VPS13B: variants seen among roughly 807,000 people sequenced by gnomAD.
The protein encoded by VPS13B is vacuolar protein sorting 13 homolog B, also known as intermembrane lipid transfer protein VPS13B.
VPS13B carries 285 observed loss-of-function variants against 426.4 expected under a neutral mutation model. The ratio of observed to expected loss-of-function variants is 0.67; its 90% CI spans 0.61 to 0.74. VPS13B has a LOEUF of 0.74. VPS13B is among the 30% of genes least tolerant of loss of function. The pLI, the probability that VPS13B is intolerant of heterozygous loss-of-function variation, is 0.00. For synonymous variants in VPS13B, 1,676 were observed against 1,676.4 expected, an observed-to-expected ratio of 1.00 and a Z score of 0.01; for missense variants, 4,537 against 4,782.6, an observed-to-expected ratio of 0.95 and a Z score of 1.51.
chr8:99,444,007 CT>C lies in VPS13B; in HGVS notation c.3445+1383del, dbSNP rs201151186. 5.5e-4 allele frequency among the ~76,000 whole-genome samples: 81 copies of C among 146,940 alleles called. 1 individual carries two copies. Among genetic ancestry groups the C allele is most frequent in the East Asian group, 2.2e-3 (11 of 5,078 alleles). On this transcript the variant is annotated intron_variant, in intron 23 of 61. Transcript: ENST00000357162. ...TATCCGCTTTGTTTCTTTTTCTTTT[CT>C]TTTTTTTTTTATTTTGTTCTAGCCA...
At chr8:99,824,028 T>A (rs775001690) in intron 51 of VPS13B, 50 bp downstream of exon 51, 12 of 1,592,732 alleles carry the variant, frequency 7.5e-6, no homozygotes, top group Non-Finnish European at 1.0e-5. Context: ...AAAGAAACAA[T>A]AAATAGGATC....
chr8:99,064,670 T>C (rs927202305), intron 3 of VPS13B, among the ~76,000 whole-genome samples: 11 of 152,170 alleles, frequency 7.2e-5, no homozygotes, highest in Non-Finnish European at 1.6e-4. Flanking sequence ...TGGAACCAAG[T>C]TGGAAAACAC....
chr8:99,157,673 CTACTT>C (rs1252902710), intron 15 of VPS13B, among the ~76,000 whole-genome samples: 2 of 152,174 alleles, frequency 1.3e-5, no homozygotes, highest in Non-Finnish European at 2.9e-5. Flanking sequence ...TCCCATAACT[CTACTT>C]TAAATCAAAA....
At position 99,720,452 on chromosome 8, in the gene VPS13B, G is replaced by C. The variant is rs544426092; in HGVS notation, c.6765G>C (p.Val2255=). The change falls in exon 38 of 62, where the codon GTG becomes GTC. Residue 2255 remains valine, a synonymous_variant. Coordinates refer to ENST00000357162, the MANE Select transcript of VPS13B (RefSeq NM_152564.5). The part of the protein sequence containing the change: ...GNFEVQVSEP[V]PQMSSPVEKN... ...TTGAAGTACAAGTTTCTGAACCAGTGCCTCAAATGTCATCTCCTGTGGAAA... is the reference window on the plus strand; with the variant it reads ...TTGAAGTACAAGTTTCTGAACCAGTCCCTCAAATGTCATCTCCTGTGGAAA... 1 of 1,613,972 alleles carries C rather than the reference G, an allele frequency of 6.2e-7. No homozygotes were observed. The highest frequency in any genetic ancestry group is 2.2e-5 in the East Asian group (1 of 44,862).
intron 19 of VPS13B, among the ~76,000 whole-genome samples, chr8:99,349,246 T>A (rs1811724194): frequency 7.5e-6 from 1 of 132,456 alleles, no homozygotes; most frequent in Non-Finnish European, 1.5e-5. Context: ...GGCAGGAGAA[T>A]GGCGTGTACC....
rs1304909517 is a variant in VPS13B, at chr8:99,102,871, C to T, written c.413-82C>T. On this transcript the variant is annotated intron_variant, in intron 4 of 61. Transcript: ENST00000357162. ...CTAAATAATAACCACCTTTCTCATA[C>T]ATTAAGTTCAATAACACTTTAAGAA... is the stretch of plus-strand genomic sequence containing the variant. 93 of 1,311,454 alleles carry T rather than the reference C, an allele frequency of 7.1e-5. No homozygotes were observed. In the East Asian group the frequency reaches 2.2e-3, roughly 30 times the overall value. 81.2% of individuals were successfully genotyped at this position (1,311,454 alleles called of 1,614,324 possible). A position where few individuals can be genotyped will look rare whatever the true frequency, so the allele number is the denominator to read the frequency against.
rs1162329112 is a variant in VPS13B at position 99,156,750 on chromosome 8, A to G, written c.2208+7A>G. 2 of 1,613,882 alleles carry G rather than the reference A, an allele frequency of 1.2e-6. No homozygotes were observed. Among genetic ancestry groups the G allele is most frequent in the Admixed American group, 1.7e-5 (1 of 60,004 alleles). The stretch of plus-strand genomic sequence containing the variant: ...TGTACACTGCTATCTTAAGGTATGA[A>G]AAGTGAATTTTCTTGTTTGTTAGCA... On this transcript the variant is annotated splice_region_variant and intron_variant, in intron 15 of 61. Transcript: ENST00000357162.
At chr8:99,161,707 TCCC>T (rs1563575714) in intron 15 of VPS13B, among the ~76,000 whole-genome samples, 1 of 149,710 alleles carries the variant, frequency 6.7e-6, no homozygotes, top group Non-Finnish European at 1.5e-5. Flanking sequence ...GGAAAACCAT[TCCC>T]TGGTGTTAAG....
intron 22 of VPS13B, among the ~76,000 whole-genome samples, chr8:99,440,825 C>A (rs796067555): frequency 2.0e-5 from 3 of 152,052 alleles, no homozygotes; most frequent in African/African-American, 7.2e-5. Context: ...CTAATTACCT[C>A]ACAATATTGA....
chr8:99,243,586 T>C (rs1817047870), intron 17 of VPS13B, among the ~76,000 whole-genome samples: 1 of 152,188 alleles, frequency 6.6e-6, no homozygotes, highest in African/African-American at 2.4e-5. Flanking sequence ...GCTTCACTGA[T>C]GTCTTACATT....
chr8:99,680,005 G>A (rs901293338), intron 35 of VPS13B, among the ~76,000 whole-genome samples: 1 of 152,082 alleles, frequency 6.6e-6, no homozygotes, highest in African/African-American at 2.4e-5. Context: ...CATCATTTCT[G>A]TGTCTGTACA....
At chr8:99,665,679 G>A (rs969575846) in intron 35 of VPS13B, among the ~76,000 whole-genome samples, 1 of 151,984 alleles carries the variant, frequency 6.6e-6, no homozygotes, top group Admixed American at 6.6e-5. Context: ...TTGGTCTATA[G>A]CTCTGTTTTG....
chr8:99,455,030 T>A (rs1043014489), intron 23 of VPS13B, among the ~76,000 whole-genome samples: 1 of 152,212 alleles, frequency 6.6e-6, no homozygotes, highest in Non-Finnish European at 1.5e-5. Context: ...ATCAGATGTT[T>A]TGTCAGATAT....
At chr8:99,552,653 A>G (rs535925284) in intron 30 of VPS13B, among the ~76,000 whole-genome samples, 1 of 151,760 alleles carries the variant, frequency 6.6e-6, no homozygotes, top group South Asian at 2.1e-4. Context: ...CCATTTCTAC[A>G]TGAGCATAAG....
chr8:99,606,012 C>T (rs1827553715), intron 33 of VPS13B, among the ~76,000 whole-genome samples: 1 of 152,174 alleles, frequency 6.6e-6, no homozygotes, highest in Non-Finnish European at 1.5e-5. Context: ...CCTCCCACCT[C>T]AGCCTCCTGA....
At chr8:99,755,365 C>T (rs1202501978) in intron 39 of VPS13B, among the ~76,000 whole-genome samples, 2 of 152,180 alleles carry the variant, frequency 1.3e-5, no homozygotes, top group Admixed American at 1.3e-4. Flanking sequence ...CAACTGGAGA[C>T]TTCACTAATC....
At position 99,568,269 on chromosome 8, in the gene VPS13B, C is replaced by A. The variant is rs1272365384; in HGVS notation, c.4950-7389C>A. The stretch of plus-strand genomic sequence containing the variant: ...AAAAAAGCCTCTAAATGGATATATA[C>A]CGATAACTATTATTATTATTATTAT... On this transcript the variant is annotated intron_variant, in intron 31 of 61. Coordinates refer to ENST00000357162, the MANE Select transcript of VPS13B (RefSeq NM_152564.5). Among the ~76,000 whole-genome samples the A allele has an allele frequency of 2.7e-5, 4 of 150,460 alleles. No individual in the cohort carries two copies. In the East Asian group the frequency reaches 5.9e-4, roughly 22 times the overall value.
intron 39 of VPS13B, among the ~76,000 whole-genome samples, chr8:99,722,190 C>A (rs925868304): frequency 1.3e-5 from 2 of 152,162 alleles, no homozygotes; most frequent in Non-Finnish European, 2.9e-5. Flanking sequence ...CAACCTTGGT[C>A]TTCGTCAGTC....
intron 19 of VPS13B, among the ~76,000 whole-genome samples, chr8:99,352,416 T>A (rs552446530): frequency 1.3e-5 from 2 of 152,188 alleles, no homozygotes; most frequent in Admixed American, 1.3e-4. Context: ...TGATCTCTTA[T>A]GTCATAAATA....
Sources: gnomAD v4.1 joint callset for allele counts (sites outside exome capture counted in the v4.1 genomes callset) on GRCh38, gnomAD v4.1.1 for gene constraint, MANE v1.5 for transcripts, NCBI Gene and HGNC (gene_info 2026-07-23, HGNC 2026-07-21) for gene names.